APBB2: variants seen among roughly 807,000 people sequenced by gnomAD.
APBB2 encodes Fe65-like 1.
APBB2 carries 38 observed loss-of-function variants against 82.5 expected under a neutral mutation model. The observed-to-expected ratio is 0.46, with a 90% CI of 0.36 to 0.60. The LOEUF is 0.60. APBB2 is among the 20% of genes least tolerant of loss of function. The pLI, the probability that APBB2 is intolerant of heterozygous loss-of-function variation, is 0.00. For synonymous variants in APBB2, 341 were observed against 368.2 expected (o/e 0.93, Z 0.85); for missense variants, 772 against 972.3 (o/e 0.79, Z 2.74).
chr4:40,964,453 A>AGCTAGATGACACATTAGTGGGTGCAGCGC (rs1560400582), intron 6 of APBB2, among the ~76,000 whole-genome samples: 3 of 144,146 alleles, frequency 2.1e-5, no homozygotes, highest in African/African-American at 7.9e-5. Flanking sequence ...TAAGATAAAC[A>AGCTAGATGACACATTAGTGGGTGCAGCGC]AATCATTTTT....
At position 40,846,326 on chromosome 4, in the gene APBB2, CAAAAAA is replaced by C. The variant is rs3086182; in HGVS notation, c.1530-15755_1530-15750del. On this transcript the variant is annotated intron_variant, in intron 12 of 17. Coordinates refer to ENST00000508593, the MANE Select transcript of APBB2 (RefSeq NM_004307.2). ...TCAAGGCCCTCGGATGAAAACACTCCAAAAAAAAAAAAAAAAAAAAAAGTGCACAGA... is the reference window on the plus strand; with the variant it reads ...TCAAGGCCCTCGGATGAAAACACTCCAAAAAAAAAAAAAAAAGTGCACAGA... 3.0e-3 allele frequency among the ~76,000 whole-genome samples: 188 copies of C among 62,512 alleles called. 1 individual carries two copies. The highest frequency in any genetic ancestry group is 0.011 in the African/African-American group (170 of 15,436). 41.0% of individuals were successfully genotyped at this position (62,512 alleles called of 152,430 possible).
At chr4:41,210,011 G>C (rs1778935698) in intron 1 of APBB2, among the ~76,000 whole-genome samples, 1 of 152,168 alleles carries the variant, frequency 6.6e-6, no homozygotes, top group African/African-American at 2.4e-5. Context: ...GATTCTCATA[G>C]GGAGTGCACA....
intron 6 of APBB2, among the ~76,000 whole-genome samples, chr4:40,975,444 T>C (rs1054790642): frequency 6.6e-6 from 1 of 152,174 alleles, no homozygotes; most frequent in Non-Finnish European, 1.5e-5. Context: ...ATCACAACCA[T>C]TTTTGTCTAA....
chr4:40,856,382 T>G (rs1325737829), intron 12 of APBB2, among the ~76,000 whole-genome samples: 1 of 152,244 alleles, frequency 6.6e-6, no homozygotes, highest in Non-Finnish European at 1.5e-5. Context: ...TCTTCACGCC[T>G]TTCTTTTCAA....
In APBB2 at chr4:41,202,502, G is replaced by A. The variant is rs183096655; in HGVS notation, c.-417+11903C>T. Among the ~76,000 whole-genome samples the A allele has an allele frequency of 2.6e-5, 4 of 152,170 alleles. No individual in the cohort carries two copies. In the East Asian group the frequency reaches 7.7e-4, roughly 29 times the overall value. On this transcript the variant is annotated intron_variant, in intron 1 of 17. Transcript: ENST00000508593. ...TAAAAACACTAAGGATGCTTGGGAA[G>A]GAGGAAGAACGATAACGCCAACAAA...
At chr4:41,043,582 T>C (rs545304268) in intron 4 of APBB2, among the ~76,000 whole-genome samples, 1 of 152,292 alleles carries the variant, frequency 6.6e-6, no homozygotes, top group African/African-American at 2.4e-5. Context: ...AATAGCTTAC[T>C]ACAAAGAAAA....
chr4:41,179,612 A>G (rs1158177976), intron 1 of APBB2, among the ~76,000 whole-genome samples: 4 of 152,342 alleles, frequency 2.6e-5, no homozygotes, highest in South Asian at 2.1e-4. Flanking sequence ...AACTCTAAAT[A>G]TAACAGCAAT....
At chr4:41,025,871 GGTGGA>G (rs1232736099) in intron 5 of APBB2, among the ~76,000 whole-genome samples, 4 of 149,964 alleles carry the variant, frequency 2.7e-5, no homozygotes, top group African/African-American at 7.4e-5. Flanking sequence ...GGGGTTGGGG[GGTGGA>G]GGTGGCATTG....
intron 3 of APBB2, among the ~76,000 whole-genome samples, chr4:41,096,826 A>G (rs758751527): frequency 3.3e-5 from 5 of 152,242 alleles, no homozygotes; most frequent in South Asian, 2.1e-4. Context: ...CACATGGTAC[A>G]TGCTACATAA....
rs1487178142 is a variant in APBB2 at position 41,141,334 on chromosome 4, G to GTGTGTC, written c.-261+1652_-261+1653insGACACA. On this transcript the variant is annotated intron_variant, in intron 2 of 17. Coordinates refer to ENST00000508593, the MANE Select transcript of APBB2 (RefSeq NM_004307.2). The stretch of plus-strand genomic sequence containing the variant: ...TGTGTCTGTGTGTGTGTGTGTGTCT[G>GTGTGTC]TGTGTGTGTGTGTCTGTGTGTCTGT... Among the ~76,000 whole-genome samples, 918 of 99,084 alleles carry GTGTGTC rather than the reference G, an allele frequency of 9.3e-3. 8 individuals carry two copies. Among genetic ancestry groups the GTGTGTC allele is most frequent in the African/African-American group, 0.029 (760 of 26,274 alleles). 65.0% of individuals were successfully genotyped at this position (99,084 alleles called of 152,430 possible). A position where few individuals can be genotyped will look rare whatever the true frequency, so the allele number is the denominator to read the frequency against.
At chr4:40,882,381 A>G (rs1260833421) in intron 12 of APBB2, among the ~76,000 whole-genome samples, 18 of 152,142 alleles carry the variant, frequency 1.2e-4, no homozygotes, top group Admixed American at 1.2e-3. Context: ...CTAGGCTTGA[A>G]GGAGGGACCC....
chr4:41,027,757 A>G (rs1715039160), intron 5 of APBB2, among the ~76,000 whole-genome samples: 1 of 151,180 alleles, frequency 6.6e-6, no homozygotes, highest in South Asian at 2.1e-4. Flanking sequence ...CAAAATAAGC[A>G]AAACTAAATG....
chr4:40,978,796 T>C (rs1797796951), intron 6 of APBB2, among the ~76,000 whole-genome samples: 1 of 152,198 alleles, frequency 6.6e-6, no homozygotes, highest in African/African-American at 2.4e-5. Flanking sequence ...AAGATTCCAT[T>C]TCAGTTAGTA....
chr4:41,000,057 ATATATGTGTG>A (rs1316189709), intron 6 of APBB2, among the ~76,000 whole-genome samples: 25 of 86,308 alleles, frequency 2.9e-4, no homozygotes, highest in African/African-American at 8.5e-4. Flanking sequence ...GTATATGTAT[ATATATGTGTG>A]TATGTGTGTG....
chr4:40,959,476 G>C (rs1792519628), intron 6 of APBB2, among the ~76,000 whole-genome samples: 3 of 152,182 alleles, frequency 2.0e-5, no homozygotes, highest in Admixed American at 2.0e-4. Flanking sequence ...TCACAAAATG[G>C]AAGCTATTTA....
chr4:40,896,718 C>T (rs189662180), intron 10 of APBB2, among the ~76,000 whole-genome samples: 3 of 152,304 alleles, frequency 2.0e-5, no homozygotes, highest in African/African-American at 7.2e-5. Context: ...GTATCCCTGT[C>T]ATTCTGGCAA....
intron 12 of APBB2, among the ~76,000 whole-genome samples, chr4:40,867,956 T>C (rs900445976): frequency 5.3e-5 from 8 of 151,552 alleles, no homozygotes; most frequent in Non-Finnish European, 1.2e-4. Flanking sequence ...GCCCTCCTCC[T>C]AGGGTCTTGA....
intron 1 of APBB2, among the ~76,000 whole-genome samples, chr4:41,201,409 G>T (rs1384522665): frequency 2.0e-5 from 3 of 152,280 alleles, no homozygotes; most frequent in Middle Eastern, 3.4e-3. Flanking sequence ...TCGCTAATCT[G>T]AAAATCTGAA....
chr4:40,886,408 G>A (rs1163367004), intron 12 of APBB2, among the ~76,000 whole-genome samples: 10 of 152,154 alleles, frequency 6.6e-5, no homozygotes, highest in Non-Finnish European at 1.2e-4. Flanking sequence ...TGAAACCGGG[G>A]GGCAAAGGTT....
Sources: allele counts gnomAD v4.1 joint callset (sites outside exome capture counted in the v4.1 genomes callset), GRCh38; gene constraint gnomAD v4.1.1; transcripts MANE v1.5; gene names NCBI Gene and HGNC (gene_info 2026-07-23, HGNC 2026-07-21).